Variants in NSD2 observed in about 807,000 individuals in gnomAD.
The protein encoded by NSD2 is nuclear receptor binding SET domain protein 2, also known as histone-lysine N-methyltransferase NSD2.
A neutral mutation model predicts 139.0 loss-of-function variants in NSD2; 12 were observed. The observed-to-expected ratio is 0.09, with a 90% CI of 0.06 to 0.14. NSD2 has a LOEUF of 0.14. NSD2 is among the 10% of genes least tolerant of loss of function. The pLI is 1.00. For missense variants in NSD2, 1,155 were observed against 1,745.0 expected, an observed-to-expected ratio of 0.66 and a Z score of 6.02; for synonymous variants, 669 against 648.7, an observed-to-expected ratio of 1.03 and a Z score of -0.48.
intron 1 of NSD2, among the ~76,000 whole-genome samples, chr4:1,886,482 C>T (rs79740090): frequency 0.015 from 2,220 of 152,282 alleles, 46 homozygotes; most frequent in Middle Eastern, 0.061. Context: ...TCTGGGATTA[C>T]GGACTTGAGC....
chr4:1,938,608 A>G (rs1178390522), intron 8 of NSD2, 76 bp downstream of exon 8: 7 of 1,243,298 alleles, frequency 5.6e-6, no homozygotes, highest in Non-Finnish European at 8.1e-6. Context: ...TGAGAGTGTG[A>G]AAGGGGAAGG....
At chr4:1,961,957 T>C (rs564335268) in intron 18 of NSD2, among the ~76,000 whole-genome samples, 2 of 152,376 alleles carry the variant, frequency 1.3e-5, no homozygotes, top group South Asian at 2.1e-4. Context: ...CAGGAAAGTC[T>C]GGCTATTTTT....
At chr4:1,957,888 C>G in intron 15 of NSD2, 45 bp from the exon 16 acceptor site, 1 of 1,549,208 alleles carries the variant, frequency 6.5e-7, no homozygotes, top group South Asian at 1.1e-5. Context: ...AAGGTAGTTA[C>G]CTGTATTTAC....
intron 1 of NSD2, among the ~76,000 whole-genome samples, chr4:1,885,117 AAAAAAT>A (rs1207682502): frequency 2.5e-4 from 37 of 149,138 alleles, no homozygotes; most frequent in African/African-American, 9.1e-4. Context: ...TTTCAAAAAA[AAAAAAT>A]AAAAATAAAA....
At chr4:1,967,760 C>T (rs1007735874) in intron 18 of NSD2, among the ~76,000 whole-genome samples, 7 of 152,116 alleles carry the variant, frequency 4.6e-5, no homozygotes, top group African/African-American at 7.2e-5. Context: ...TGACATCAGA[C>T]GAGACCAGCC....
intron 5 of NSD2, among the ~76,000 whole-genome samples, chr4:1,919,418 T>C (rs1719833254): frequency 6.6e-6 from 1 of 152,194 alleles, no homozygotes; most frequent in African/African-American, 2.4e-5. Flanking sequence ...TTATATAATT[T>C]TCTTAATTGT....
intron 6 of NSD2, 125 bp downstream of exon 6, chr4:1,930,895 G>C (rs1721553517): frequency 7.8e-7 from 1 of 1,278,204 alleles, no homozygotes; most frequent in Non-Finnish European, 1.1e-6. Context: ...CGTGGGGTTT[G>C]GGCCAGCGGT....
At chr4:1,929,807 AGC>A (rs1721420085) in intron 5 of NSD2, among the ~76,000 whole-genome samples, 1 of 152,124 alleles carries the variant, frequency 6.6e-6, no homozygotes, top group Non-Finnish European at 1.5e-5. Flanking sequence ...GGGACACATT[AGC>A]AACCCCTGGG....
intron 1 of NSD2, among the ~76,000 whole-genome samples, chr4:1,886,707 G>A (rs1273472749): frequency 1.3e-5 from 2 of 151,776 alleles, no homozygotes; most frequent in Non-Finnish European, 2.9e-5. Context: ...GCGTGGTGGC[G>A]TGCACCTGTA....
rs966928510 is a variant in NSD2, at chr4:1,972,374, T to C, written c.3373-2489T>C. On this transcript the variant is annotated intron_variant, in intron 18 of 21. Coordinates refer to ENST00000508803, the MANE Select transcript of NSD2 (RefSeq NM_001042424.3). This position sits in a 1 kb window ranked among gnomAD's most constrained non-coding sequence, Gnocchi z 4.0. ...AAGCTCGTTGTAGGTGCGATAAAAA[T>C]AGCAAAAACGTTTAAATATACCTGG... Among the ~76,000 whole-genome samples, 4 of 152,130 alleles carry C rather than the reference T, an allele frequency of 2.6e-5. No homozygotes were observed. Among genetic ancestry groups the C allele is most frequent in the Non-Finnish European group, 5.9e-5 (4 of 68,026 alleles).
rs759736468 is a variant in NSD2, at chr4:1,976,457, C to T, written c.3622-18C>T. ...GTGTAATTCTTTCCGGTGATCTGTGCTTAATTCTTGACTCTAGACCTCGAC... is the reference window on the plus strand; with the variant it reads ...GTGTAATTCTTTCCGGTGATCTGTGTTTAATTCTTGACTCTAGACCTCGAC... On this transcript the variant is annotated intron_variant, in intron 20 of 21. Coordinates refer to ENST00000508803, the MANE Select transcript of NSD2 (RefSeq NM_001042424.3). This position sits in a 1 kb window ranked among gnomAD's most constrained non-coding sequence, Gnocchi z 5.3. The T allele has an allele frequency of 6.2e-7, 1 of 1,610,300 alleles. No individual in the cohort carries two copies. Among genetic ancestry groups the T allele is most frequent in the Non-Finnish European group, 8.5e-7 (1 of 1,178,462 alleles).
chr4:1,890,317 G>C (rs1434765438), intron 1 of NSD2, among the ~76,000 whole-genome samples: 2 of 142,464 alleles, frequency 1.4e-5, no homozygotes, highest in African/African-American at 5.2e-5. Flanking sequence ...TTTTTTTTTT[G>C]AGATGGCGTC....
At chr4:1,887,428 G>C (rs1715195475) in intron 1 of NSD2, 1 of 152,136 alleles carries the variant, frequency 6.6e-6, no homozygotes, top group South Asian at 2.1e-4. Context: ...CAAGGGAGTG[G>C]GGAAACAGAC....
At chr4:1,957,282 G>GT (rs1229885995) in intron 15 of NSD2, among the ~76,000 whole-genome samples, 23 of 149,852 alleles carry the variant, frequency 1.5e-4, no homozygotes, top group African/African-American at 5.2e-4. Flanking sequence ...ATGTTTTTTT[G>GT]TTTTTGTTTT....
intron 5 of NSD2, among the ~76,000 whole-genome samples, chr4:1,923,860 CAAA>C (rs1487044835): frequency 6.6e-6 from 1 of 152,150 alleles, no homozygotes; most frequent in Non-Finnish European, 1.5e-5. Context: ...AAAGCAGAAA[CAAA>C]TTGCTGAAGG....
At chr4:1,905,133 A>C (rs1336788838) in intron 3 of NSD2, among the ~76,000 whole-genome samples, 1 of 147,324 alleles carries the variant, frequency 6.8e-6, no homozygotes, top group Non-Finnish European at 1.5e-5. Flanking sequence ...TCTGTCTCAC[A>C]AAAAAAAAAA....
rs1727456723 is a variant in NSD2 at position 1,978,978 on chromosome 4, GA to G, written c.*70del. On this transcript the variant is annotated 3_prime_UTR_variant, in exon 22 of 22. Transcript: ENST00000508803. ...GCCGGCCCTGCCTGCGGGAGAGGGC[GA>G]GCATGAACTGGCCCGGAGGACCCAG... 2.1e-6 allele frequency: 3 copies of G among 1,435,790 alleles called. No individual in the cohort carries two copies. Among genetic ancestry groups the G allele is most frequent in the South Asian group, 1.5e-5 (1 of 65,580 alleles). 88.9% of individuals were successfully genotyped at this position (1,435,790 alleles called of 1,614,324 possible).
At chr4:1,940,951 A>G (rs999335682) in intron 9 of NSD2, 2 of 1,057,544 alleles carry the variant, frequency 1.9e-6, no homozygotes, top group African/African-American at 1.6e-5. Context: ...AAACCAACTC[A>G]GTGGTGGTCG....
chr4:1,952,341 A>T, intron 11 of NSD2, 110 bp downstream of exon 11: 1 of 1,466,066 alleles, frequency 6.8e-7, no homozygotes. Context: ...CCCCCTCCCC[A>T]CCCCCACCGC....
Sources: gnomAD v4.1 joint callset for allele counts (sites outside exome capture counted in the v4.1 genomes callset) on GRCh38, gnomAD v4.1.1 for gene constraint, Gnocchi (gnomAD v3.1) non-coding constraint, MANE v1.5 for transcripts, NCBI Gene and HGNC (gene_info 2026-07-23, HGNC 2026-07-21) for gene names.